The following PARD3 variants were observed in gnomAD, a reference collection of about 807,000 sequenced individuals.
PARD3 encodes par-3 family cell polarity regulator.
PARD3 carries 75 observed loss-of-function variants against 155.4 expected under a neutral mutation model. That is an observed-to-expected ratio of 0.48 (90% confidence interval 0.40 to 0.58). The LOEUF is 0.58. Ranked by LOEUF, PARD3 falls within the 20% of genes least tolerant of loss-of-function variation. The pLI, the probability that PARD3 is intolerant of heterozygous loss-of-function variation, is 0.00. For synonymous variants in PARD3, 576 were observed against 610.5 expected (o/e 0.94, Z 0.83); for missense variants, 1,642 against 1,721.7 (o/e 0.95, Z 0.82).
At chr10:34,479,078 T>A (rs1165364456) in intron 3 of PARD3, among the ~76,000 whole-genome samples, 3 of 152,186 alleles carry the variant, frequency 2.0e-5, no homozygotes, top group African/African-American at 7.2e-5. Context: ...ACAGGAACTT[T>A]TCTCAAAATC....
chr10:34,328,031 A>G (rs1327743402), intron 19 of PARD3, among the ~76,000 whole-genome samples: 2 of 152,170 alleles, frequency 1.3e-5, no homozygotes, highest in African/African-American at 4.8e-5. Context: ...TGTGGTTAGG[A>G]AGCCGAAGGA....
At chr10:34,638,582 A>G (rs1045630762) in intron 2 of PARD3, among the ~76,000 whole-genome samples, 6 of 152,210 alleles carry the variant, frequency 3.9e-5, no homozygotes, top group Non-Finnish European at 8.8e-5. Flanking sequence ...TGGGAAGTGC[A>G]GGCGCAGGCT....
intron 1 of PARD3, among the ~76,000 whole-genome samples, chr10:34,707,743 C>T (rs1250336061): frequency 6.6e-6 from 1 of 152,214 alleles, no homozygotes; most frequent in Non-Finnish European, 1.5e-5. Context: ...CAGATAATCT[C>T]AGTGTTCACT....
At chr10:34,139,145 T>C (rs1948055488) in intron 22 of PARD3, among the ~76,000 whole-genome samples, 1 of 152,174 alleles carries the variant, frequency 6.6e-6, no homozygotes, top group African/African-American at 2.4e-5. Context: ...TTAAGAAACA[T>C]CATCATGGTC....
intron 9 of PARD3, among the ~76,000 whole-genome samples, 186 bp downstream of exon 9, chr10:34,382,354 A>G (rs984489769): frequency 2.0e-5 from 3 of 152,232 alleles, no homozygotes; most frequent in African/African-American, 7.2e-5. Context: ...TATAAGAAAT[A>G]CAATTTGAAA....
chr10:34,143,019 A>G (rs1010364737), intron 22 of PARD3, among the ~76,000 whole-genome samples: 1 of 152,176 alleles, frequency 6.6e-6, no homozygotes, highest in East Asian at 1.9e-4. Context: ...ACAGGAATAC[A>G]TTATAAAAAT....
intron 3 of PARD3, among the ~76,000 whole-genome samples, chr10:34,499,477 G>A (rs987006580): frequency 6.6e-6 from 1 of 151,830 alleles, no homozygotes; most frequent in Admixed American, 6.6e-5. Flanking sequence ...CAACCTTGGA[G>A]AATGTATACA....
intron 1 of PARD3, among the ~76,000 whole-genome samples, chr10:34,798,912 CACAG>C (rs145412473): frequency 0.022 from 3,306 of 152,288 alleles, 120 homozygotes; most frequent in African/African-American, 0.076. Context: ...AACCCGGCTG[CACAG>C]ACAACCACCT....
At chr10:34,476,849 G>C (rs1351103818) in intron 3 of PARD3, among the ~76,000 whole-genome samples, 1 of 152,192 alleles carries the variant, frequency 6.6e-6, no homozygotes, top group Non-Finnish European at 1.5e-5. Flanking sequence ...TGCAGTAGTA[G>C]TCACAAATGG....
intron 20 of PARD3, among the ~76,000 whole-genome samples, chr10:34,297,920 G>C (rs1051843822): frequency 2.0e-5 from 3 of 152,216 alleles, no homozygotes; most frequent in Non-Finnish European, 4.4e-5. Flanking sequence ...TTGAAAACAG[G>C]AGCTGAAGAT....
At chr10:34,617,797 G>GCCT (rs1212154902) in intron 2 of PARD3, among the ~76,000 whole-genome samples, 1 of 152,158 alleles carries the variant, frequency 6.6e-6, no homozygotes, top group Non-Finnish European at 1.5e-5. Flanking sequence ...CTAAAGGGAT[G>GCCT]CCTCCTTCAA....
intron 2 of PARD3, among the ~76,000 whole-genome samples, chr10:34,555,744 C>T (rs1554893539): frequency 1.3e-5 from 2 of 152,102 alleles, no homozygotes; most frequent in Admixed American, 6.6e-5. Context: ...CTGGGAAATA[C>T]CATCACCCGC....
At chr10:34,755,427 A>T (rs1403247910) in intron 1 of PARD3, among the ~76,000 whole-genome samples, 1 of 151,920 alleles carries the variant, frequency 6.6e-6, no homozygotes, top group African/African-American at 2.4e-5. Context: ...AAAATAACAG[A>T]AAAAGAATTG....
intron 22 of PARD3, among the ~76,000 whole-genome samples, chr10:34,267,974 C>T (rs917942149): frequency 4.6e-5 from 7 of 152,118 alleles, no homozygotes; most frequent in African/African-American, 1.7e-4. Flanking sequence ...ATGTTCAAGG[C>T]CCAGTTCCTA....
chr10:34,551,813 T>A (rs960668724), intron 2 of PARD3, among the ~76,000 whole-genome samples: 11 of 152,136 alleles, frequency 7.2e-5, no homozygotes, highest in Admixed American at 4.6e-4. Context: ...GAGCATTGGA[T>A]GACACCACAG....
chr10:34,491,421 T>C (rs912581475), intron 3 of PARD3, among the ~76,000 whole-genome samples: 3 of 152,236 alleles, frequency 2.0e-5, no homozygotes, highest in Non-Finnish European at 4.4e-5. Context: ...ATTGTTTTTC[T>C]ACTTATCAAA....
At chr10:34,292,719 A>AT (rs746705885) in intron 20 of PARD3, among the ~76,000 whole-genome samples, 6,980 of 150,472 alleles carry the variant, frequency 0.046, 172 homozygotes, top group Middle Eastern at 0.066. Context: ...CTTTATTATT[A>AT]TTATTTTTTT....
At chr10:34,512,383 T>C (rs2081453423) in intron 3 of PARD3, among the ~76,000 whole-genome samples, 1 of 152,190 alleles carries the variant, frequency 6.6e-6, no homozygotes, top group African/African-American at 2.4e-5. Context: ...TCTGTATTGA[T>C]GCTCCCACTG....
intron 2 of PARD3, among the ~76,000 whole-genome samples, chr10:34,599,955 C>T (rs2089618677): frequency 6.6e-6 from 1 of 152,054 alleles, no homozygotes; most frequent in Non-Finnish European, 1.5e-5. Flanking sequence ...TTCCTCTAGG[C>T]TCATGAACAA....
Sources: allele counts gnomAD v4.1 joint callset (sites outside exome capture counted in the v4.1 genomes callset), GRCh38; gene constraint gnomAD v4.1.1; transcripts MANE v1.5; gene names NCBI Gene and HGNC (gene_info 2026-07-23, HGNC 2026-07-21).